Variants in LACTB observed in about 807,000 individuals in gnomAD.
LACTB encodes the protein serine beta-lactamase-like protein LACTB, mitochondrial.
In LACTB, 35 loss-of-function variants were observed where a neutral mutation model predicts 50.2. The ratio of observed to expected loss-of-function variants is 0.70; its 90% CI spans 0.53 to 0.92. The LOEUF is 0.92. Among genes scored for constraint, LACTB ranks in the 40% least tolerant of loss-of-function variants. LACTB has a pLI of 0.00. For synonymous variants in LACTB, 252 were observed against 268.2 expected, an observed-to-expected ratio of 0.94 and a Z score of 0.59; for missense variants, 664 against 691.8, an observed-to-expected ratio of 0.96 and a Z score of 0.45.
chr15:63,135,709 C>A (rs925576516), intron 5 of LACTB, among the ~76,000 whole-genome samples: 2 of 152,260 alleles, frequency 1.3e-5, no homozygotes, highest in South Asian at 2.1e-4. Flanking sequence ...TGGAATGAGA[C>A]CCTGTCTCAA....
intron 5 of LACTB, among the ~76,000 whole-genome samples, chr15:63,135,357 C>A (rs951883494): frequency 1.3e-5 from 2 of 152,182 alleles, no homozygotes; most frequent in Non-Finnish European, 2.9e-5. Context: ...TAGCAACAAG[C>A]AATGAATTTT....
chr15:63,123,233 A>T (rs191009222), intron 2 of LACTB, among the ~76,000 whole-genome samples: 15 of 149,322 alleles, frequency 1.0e-4, no homozygotes, highest in African/African-American at 3.9e-4. Context: ...TGGATAACTG[A>T]AACTGAGGAA....
At chr15:63,140,419 T>C (rs1460353990) in intron 5 of LACTB, among the ~76,000 whole-genome samples, 1 of 152,180 alleles carries the variant, frequency 6.6e-6, no homozygotes, top group Non-Finnish European at 1.5e-5. Context: ...TTTGAGACAA[T>C]GAGAAAACCA....
intron 5 of LACTB, among the ~76,000 whole-genome samples, chr15:63,132,089 G>A (rs899134381): frequency 6.6e-6 from 1 of 152,102 alleles, no homozygotes; most frequent in Non-Finnish European, 1.5e-5. Flanking sequence ...GTGTACATGT[G>A]CAGGTTTGTT....
chr15:63,123,367 C>T (rs2037003549), intron 2 of LACTB, among the ~76,000 whole-genome samples: 1 of 152,104 alleles, frequency 6.6e-6, no homozygotes, highest in Admixed American at 6.5e-5. Flanking sequence ...ATTAAGTTAA[C>T]AATTTCTTGA....
At chr15:63,122,788 C>A in intron 2 of LACTB, 86 bp downstream of exon 2, 1 of 898,110 alleles carries the variant, frequency 1.1e-6, no homozygotes, top group Non-Finnish European at 1.8e-6. Flanking sequence ...CCATGAAATG[C>A]TATTGCATTT....
chr15:63,129,298 C>CACAAGAA lies in LACTB; in HGVS notation c.953-187_953-186insACAAGAA, dbSNP rs2037097321. ...CATAATTTTATTCTTGTGTTAAGGA[C>CACAAGAA]TTGGAATAAGGACAGTTGCAAAGTT... On this transcript the variant is annotated intron_variant, in intron 4 of 5. Coordinates refer to ENST00000261893, the MANE Select transcript of LACTB (RefSeq NM_032857.5). 6 of 431,654 alleles carry CACAAGAA rather than the reference C, an allele frequency of 1.4e-5. No homozygotes were observed. In the Admixed American group the frequency reaches 2.1e-4, roughly 15 times the overall value. 26.7% of individuals were successfully genotyped at this position (431,654 alleles called of 1,614,324 possible). A position where few individuals can be genotyped will look rare whatever the true frequency, so the allele number is the denominator to read the frequency against.
chr15:63,122,556 G>T, intron 1 of LACTB, 80 bp from the exon 2 acceptor site: 1 of 1,127,130 alleles, frequency 8.9e-7, no homozygotes. Flanking sequence ...CAGGGGGCGG[G>T]GCCTTGGAAG....
chr15:63,132,827 ATT>A lies in LACTB; in HGVS notation c.1118+3185_1118+3186del, dbSNP rs71431468. 1.7e-3 allele frequency among the ~76,000 whole-genome samples: 260 copies of A among 152,274 alleles called. 1 individual carries two copies. Among genetic ancestry groups the A allele is most frequent in the African/African-American group, 5.7e-3 (235 of 41,548 alleles). ...GAGAGCGAGACCCCATTTAAAAAAA[ATT>A]TTTTTTTGATATATTATAAAAATAC... On this transcript the variant is annotated intron_variant, in intron 5 of 5. Transcript: ENST00000261893.
rs1286555198 is a variant in LACTB at position 63,127,702 on chromosome 15, C to G, written c.952+13C>G. 6.8e-7 allele frequency: 1 copy of G among 1,475,854 alleles called. No homozygotes were observed. Among genetic ancestry groups the G allele is most frequent in the Non-Finnish European group, 9.3e-7 (1 of 1,078,948 alleles). 91.4% of individuals were successfully genotyped at this position (1,475,854 alleles called of 1,614,324 possible). On this transcript the variant is annotated intron_variant, in intron 4 of 5. Transcript: ENST00000261893. ...TTCTTCAAACCTGGTGAGTGTTAATCCCTTCTCTTAACAAAATCATCATTA... is the reference window on the plus strand; with the variant it reads ...TTCTTCAAACCTGGTGAGTGTTAATGCCTTCTCTTAACAAAATCATCATTA...
At chr15:63,125,177 T>TA (rs1235511258) in intron 2 of LACTB, among the ~76,000 whole-genome samples, 3 of 122,554 alleles carry the variant, frequency 2.4e-5, no homozygotes, top group African/African-American at 3.2e-5. Flanking sequence ...TTTTATTTAT[T>TA]TATTTTTTTT....
At chr15:63,133,588 C>T (rs966188784) in intron 5 of LACTB, among the ~76,000 whole-genome samples, 2 of 152,126 alleles carry the variant, frequency 1.3e-5, no homozygotes, top group African/African-American at 4.8e-5. Context: ...GCTCTCCAGC[C>T]TGGGTGACAA....
Position 63,122,189 on chromosome 15 carries a change from A to G in LACTB, c.318A>G (p.Arg106=), listed in dbSNP as rs535593364. ...CGCCCTGCTCCAGGTGCTTCGCCAGAGCCATCGAGAGCAGCCGCGACCTGC... is the reference window on the plus strand; with the variant it reads ...CGCCCTGCTCCAGGTGCTTCGCCAGGGCCATCGAGAGCAGCCGCGACCTGC... ...PAPPCSRCFA[R]AIESSRDLLH... Residue 106 remains arginine, a synonymous_variant, in exon 1 of 6, where the codon AGA becomes AGG. Transcript: ENST00000261893. The G allele has an allele frequency of 7.5e-5, 115 of 1,539,780 alleles. No individual in the cohort carries two copies. In the South Asian group the frequency reaches 1.2e-3, roughly 17 times the overall value.
rs753340432 is a variant in LACTB at position 63,141,555 on chromosome 15, G to A, written c.1394G>A (p.Gly465Asp). The A allele has an allele frequency of 6.2e-7, 1 of 1,614,216 alleles. No individual in the cohort carries two copies. The highest frequency in any genetic ancestry group is 1.1e-5 in the South Asian group (1 of 91,086). The change falls in exon 6 of 6, where the codon GGT (glycine) becomes GAT (aspartate). Residue 465 changes from glycine to aspartate, a missense_variant. Coordinates refer to ENST00000261893, the MANE Select transcript of LACTB (RefSeq NM_032857.5). Reference sequence around the variant, plus strand: ...GAGGGTAAATATGCAATGGCGTGGGGTGTTGTGGAAAGGAAACAAACGTAT... The same window carrying A: ...GAGGGTAAATATGCAATGGCGTGGGATGTTGTGGAAAGGAAACAAACGTAT... The part of the protein sequence containing the change: ...DKEGKYAMAW[G>D]VVERKQTYGS...
intron 2 of LACTB, among the ~76,000 whole-genome samples, chr15:63,123,294 G>A (rs916407639): frequency 1.3e-5 from 2 of 152,344 alleles, no homozygotes; most frequent in African/African-American, 2.4e-5. Context: ...TCCATTAACT[G>A]AGTACTTGCA....
chr15:63,139,990 C>T (rs372546636), intron 5 of LACTB, among the ~76,000 whole-genome samples: 6 of 151,922 alleles, frequency 3.9e-5, no homozygotes, highest in East Asian at 1.9e-4. Context: ...ACCTGTGGTC[C>T]CAGCTGCTCA....
rs143461402 is a variant in LACTB, at chr15:63,127,177, A to G, written c.615+128A>G. ...ATTGTTAATGTATTAGTTTTTCTTAATCCAGATGATAATCAGGTAGGTATT... is the reference window on the plus strand; with the variant it reads ...ATTGTTAATGTATTAGTTTTTCTTAGTCCAGATGATAATCAGGTAGGTATT... On this transcript the variant is annotated intron_variant, in intron 3 of 5. Transcript: ENST00000261893. 1,585 of 932,108 alleles carry G rather than the reference A, an allele frequency of 1.7e-3. 13 individuals are homozygous for G. Among genetic ancestry groups the G allele is most frequent in the East Asian group, 0.016 (601 of 37,550 alleles). The allele number at this position is 932,108 out of a possible 1,614,324, so 57.7% of individuals were successfully genotyped here.
chr15:63,129,804 GA>G (rs1168317536), intron 5 of LACTB, 154 bp downstream of exon 5: 2 of 986,020 alleles, frequency 2.0e-6, no homozygotes, highest in African/African-American at 1.7e-5. Flanking sequence ...TAAAGTGAAG[GA>G]AGTAAAACAT....
Position 63,136,370 on chromosome 15 carries a change from A to G in LACTB, c.1119-4910A>G, listed in dbSNP as rs559334222. ...CTTTGAAAAAAGGCGATGGGTTTCT[A>G]TCTCTAGTGTTAAGGGTCCCTATCA... On this transcript the variant is annotated intron_variant, in intron 5 of 5. Transcript: ENST00000261893. Among the ~76,000 whole-genome samples, 38 of 151,986 alleles carry G rather than the reference A, an allele frequency of 2.5e-4. 1 individual carries two copies. Among genetic ancestry groups the G allele is most frequent in the African/African-American group, 8.4e-4 (35 of 41,452 alleles).
Sources: allele counts gnomAD v4.1 joint callset (sites outside exome capture counted in the v4.1 genomes callset), GRCh38; gene constraint gnomAD v4.1.1; transcripts MANE v1.5; gene names NCBI Gene and HGNC (gene_info 2026-07-23, HGNC 2026-07-21).